OR2L13: variants seen among roughly 807,000 people sequenced by gnomAD.
OR2L13 encodes olfactory receptor 2L13.
Under a neutral mutation model 15.3 loss-of-function variants are expected in OR2L13, and 14 were observed. The ratio of observed to expected loss-of-function variants is 0.91; its 90% CI spans 0.60 to 1.43. The LOEUF (loss-of-function observed/expected upper bound fraction) is 1.43. Ranked by LOEUF, OR2L13 falls within the 40% of genes most tolerant of loss-of-function variation. The pLI, the probability that OR2L13 is intolerant of heterozygous loss-of-function variation, is 0.00. For synonymous variants in OR2L13, 152 were observed against 142.9 expected (o/e 1.06, Z -0.45); for missense variants, 367 against 387.9 (o/e 0.95, Z 0.45).
the OR2L13 span, among the ~76,000 whole-genome samples, chr1:248,001,165 T>C: frequency 6.6e-6 from 1 of 152,180 alleles, no homozygotes; most frequent in Non-Finnish European, 1.5e-5. Flanking sequence ...TGAAAATCTC[T>C]GAATCTCAGT....
chr1:247,970,449 C>T, the OR2L13 span, among the ~76,000 whole-genome samples: 1 of 152,040 alleles, frequency 6.6e-6, no homozygotes, highest in Non-Finnish European at 1.5e-5. Flanking sequence ...TCTTGTTATG[C>T]ATCATGAAGA....
chr1:247,957,531 C>T, the OR2L13 span, among the ~76,000 whole-genome samples: 2 of 152,120 alleles, frequency 1.3e-5, no homozygotes, highest in African/African-American at 4.8e-5. Context: ...CGAGCTCCTC[C>T]TTATACCTCT....
the OR2L13 span, among the ~76,000 whole-genome samples, chr1:248,045,485 C>T: frequency 3.9e-5 from 6 of 152,238 alleles, no homozygotes; most frequent in South Asian, 1.2e-3. Context: ...CAGAAATTCC[C>T]TTGAAGTCTG....
the OR2L13 span, among the ~76,000 whole-genome samples, chr1:247,958,101 A>T: frequency 3.9e-5 from 6 of 152,194 alleles, no homozygotes; most frequent in East Asian, 1.2e-3. Context: ...TTCCCTCTAC[A>T]TACTGCTTTG....
chr1:248,072,777 C>A, the OR2L13 span, among the ~76,000 whole-genome samples: 17 of 150,576 alleles, frequency 1.1e-4, no homozygotes, highest in Non-Finnish European at 2.1e-4. Flanking sequence ...AACAAATTTA[C>A]AAGAAAAAAA....
At chr1:248,094,415 C>T (rs1664671855), upstream of OR2L13, among the ~76,000 whole-genome samples, 1 of 152,188 alleles carries the variant, frequency 6.6e-6, no homozygotes, top group African/African-American at 2.4e-5. Flanking sequence ...TGAGCCCTTC[C>T]TCTGCAACAG....
the OR2L13 span, chr1:247,975,696 C>A: frequency 1.2e-6 from 1 of 805,446 alleles, no homozygotes; most frequent in Non-Finnish European, 2.0e-6. Context: ...GCACTAGCCT[C>A]ACATCAACTT....
the OR2L13 span, among the ~76,000 whole-genome samples, chr1:248,046,271 A>G: frequency 1.3e-5 from 2 of 152,354 alleles, no homozygotes; most frequent in Non-Finnish European, 1.5e-5. Context: ...AAAATATGTT[A>G]ATAGATAACT....
chr1:247,989,471 G>T, the OR2L13 span, among the ~76,000 whole-genome samples: 1 of 152,112 alleles, frequency 6.6e-6, no homozygotes, highest in Non-Finnish European at 1.5e-5. Context: ...TGACATCTGA[G>T]TTTGTGTTGG....
chr1:247,997,200 A>G, the OR2L13 span: 1 of 152,230 alleles, frequency 6.6e-6, no homozygotes, highest in Non-Finnish European at 1.5e-5. Context: ...ATTCAAAAAA[A>G]TTAAAATGAA....
the OR2L13 span, among the ~76,000 whole-genome samples, chr1:248,073,497 G>C: frequency 6.6e-6 from 1 of 151,646 alleles, no homozygotes; most frequent in African/African-American, 2.4e-5. Context: ...GAGCGGGGAG[G>C]GATAGCATTA....
At chr1:248,100,158 C>T in exon 3 of OR2L13, 1 of 1,614,100 alleles carries the variant, frequency 6.2e-7, no homozygotes, top group Non-Finnish European at 8.5e-7. Context: ...ATCTTCGGCC[C>T]AGGAATCTCC....
the OR2L13 span, chr1:248,030,066 A>G: frequency 1.1e-4 from 17 of 152,282 alleles, no homozygotes; most frequent in Middle Eastern, 6.8e-3. Flanking sequence ...CTGAATTCCA[A>G]TGAAGGTCTC....
the OR2L13 span, chr1:247,939,268 G>A: frequency 6.6e-6 from 1 of 152,142 alleles, no homozygotes; most frequent in Admixed American, 6.5e-5. Context: ...TGAATGAGGA[G>A]TTAATGTAAG....
At chr1:248,013,892 A>G in the OR2L13 span, among the ~76,000 whole-genome samples, 1 of 152,308 alleles carries the variant, frequency 6.6e-6, no homozygotes, top group South Asian at 2.1e-4. Context: ...GAAATTTTGG[A>G]GTATAGAATA....
chr1:247,952,579 A>T, the OR2L13 span, among the ~76,000 whole-genome samples: 1 of 152,182 alleles, frequency 6.6e-6, no homozygotes, highest in Admixed American at 6.5e-5. Flanking sequence ...CTGAATCTTC[A>T]GGCACTTTGT....
chr1:248,074,319 A>G, the OR2L13 span, among the ~76,000 whole-genome samples: 1 of 152,068 alleles, frequency 6.6e-6, no homozygotes, highest in African/African-American at 2.4e-5. Flanking sequence ...TGAAATGCCA[A>G]ATGCTAGTGA....
the OR2L13 span, among the ~76,000 whole-genome samples, chr1:248,048,476 G>A: frequency 1.3e-5 from 2 of 152,170 alleles, no homozygotes; most frequent in African/African-American, 4.8e-5. Context: ...ATGCTGTGGA[G>A]AGCTGTCCTT....
At chr1:248,002,558 CT>C in the OR2L13 span, among the ~76,000 whole-genome samples, 1 of 152,166 alleles carries the variant, frequency 6.6e-6, no homozygotes, top group Non-Finnish European at 1.5e-5. Flanking sequence ...AATTTCTTCG[CT>C]TTTAAAAACT....
Sources: allele counts gnomAD v4.1 joint callset (sites outside exome capture counted in the v4.1 genomes callset), GRCh38; gene constraint gnomAD v4.1.1; transcripts MANE v1.5; gene names NCBI Gene and HGNC (gene_info 2026-07-23, HGNC 2026-07-21).